The following PDE1C variants were observed in gnomAD, a reference collection of about 807,000 sequenced individuals.
PDE1C encodes the protein dual specificity calcium/calmodulin-dependent 3',5'-cyclic nucleotide phosphodiesterase 1C.
A neutral mutation model predicts 93.1 loss-of-function variants in PDE1C; 62 were observed. The ratio of observed to expected loss-of-function variants is 0.67; its 90% CI spans 0.54 to 0.82. The LOEUF is 0.82. PDE1C is among the 40% of genes least tolerant of loss of function. The pLI, the probability that PDE1C is intolerant of heterozygous loss-of-function variation, is 0.00. For missense variants in PDE1C, 742 were observed against 884.6 expected, an observed-to-expected ratio of 0.84 and a Z score of 2.04; for synonymous variants, 325 against 310.1, an observed-to-expected ratio of 1.05 and a Z score of -0.50.
chr7:31,793,404 A>C (rs1471872677), intron 16 of PDE1C, among the ~76,000 whole-genome samples: 2 of 152,040 alleles, frequency 1.3e-5, no homozygotes, highest in African/African-American at 4.8e-5. Flanking sequence ...TTACAGCCTG[A>C]TTCAACTATC....
Position 32,051,574 on chromosome 7 carries a change from T to G in PDE1C, c.108A>C (p.Lys36Asn). The change falls in exon 2 of 18, where the codon AAA (lysine) becomes AAC (asparagine). Residue 36 changes from lysine (K) to asparagine (N), a missense_variant. Lys to Asn is a moderately conservative substitution (Grantham distance 94, BLOSUM62 0). Around this residue, in one of 4 missense-constraint regions of PDE1C, gnomAD observed 74 missense variants for 88.2 expected, o/e 0.84. Coordinates refer to ENST00000396191, the MANE Select transcript of PDE1C (RefSeq NM_001191057.4). ...CTTACCTCTGGGACGTTTTCTTATA[T>G]TTCCTCCTGTAAGAAAAGGCATAAA... ...KIWLRLRGLR[K>N]YKKTSQRLRS... 6.2e-7 allele frequency: 1 copy of G among 1,613,600 alleles called. No homozygotes were observed. Among genetic ancestry groups the G allele is most frequent in the Non-Finnish European group, 8.5e-7 (1 of 1,179,584 alleles).
At chr7:32,106,590 A>G (rs774964571) in intron 3 of PDE1C, among the ~76,000 whole-genome samples, 1 of 152,168 alleles carries the variant, frequency 6.6e-6, no homozygotes, top group Non-Finnish European at 1.5e-5. Context: ...GGATTTAGCT[A>G]AAAGAACTCC....
chr7:32,326,306 TG>T (rs1783402525), intron 1 of PDE1C, among the ~76,000 whole-genome samples: 1 of 152,188 alleles, frequency 6.6e-6, no homozygotes, highest in Non-Finnish European at 1.5e-5. Flanking sequence ...GAGGCATAAA[TG>T]TGGGAGTCAC....
At chr7:32,012,567 T>C (rs1327478208) in intron 2 of PDE1C, among the ~76,000 whole-genome samples, 1 of 152,012 alleles carries the variant, frequency 6.6e-6, no homozygotes, top group Non-Finnish European at 1.5e-5. Flanking sequence ...GCAAAATAAT[T>C]GACAGTGCTG....
chr7:31,748,139 G>A (rs1794045172), downstream of PDE1C, among the ~76,000 whole-genome samples: 1 of 151,724 alleles, frequency 6.6e-6, no homozygotes, highest in African/African-American at 2.4e-5. Flanking sequence ...GAATAACCAA[G>A]GGCAGCTTGG....
rs1009798655 is a variant in PDE1C, at chr7:32,098,162, G to A, written c.308+71623C>T. On this transcript the variant is annotated intron_variant, in intron 3 of 18. Coordinates refer to the PDE1C transcript ENST00000396193. ...GGAGAATGGCGTGAACCCGGGAGGCGGAGCTTGCAGTGAGCCGAGATCGCG... is the reference window on the plus strand; with the variant it reads ...GGAGAATGGCGTGAACCCGGGAGGCAGAGCTTGCAGTGAGCCGAGATCGCG... Among the ~76,000 whole-genome samples the A allele has an allele frequency of 2.2e-4, 30 of 139,098 alleles. 1 individual carries two copies. The highest frequency in any genetic ancestry group is 1.4e-3 in the South Asian group (6 of 4,176). 91.3% of individuals were successfully genotyped at this position (139,098 alleles called of 152,430 possible). A position where few individuals can be genotyped will look rare whatever the true frequency, so the allele number is the denominator to read the frequency against.
intron 2 of PDE1C, among the ~76,000 whole-genome samples, chr7:31,920,173 T>C (rs1484785640): frequency 6.6e-6 from 1 of 152,088 alleles, no homozygotes; most frequent in Admixed American, 6.6e-5. Context: ...ATACACTGAG[T>C]CCCTGCTTCC....
the PDE1C span, among the ~76,000 whole-genome samples, chr7:31,741,090 G>A: frequency 6.7e-6 from 1 of 150,374 alleles, no homozygotes; most frequent in East Asian, 1.9e-4. Flanking sequence ...ATTGCATATT[G>A]TACATTTTAT....
At chr7:32,274,224 T>G (rs956141676) in intron 1 of PDE1C, among the ~76,000 whole-genome samples, 1 of 151,888 alleles carries the variant, frequency 6.6e-6, no homozygotes, top group East Asian at 1.9e-4. Flanking sequence ...TTTTTTTTTT[T>G]TGAGACGGGC....
At chr7:31,895,657 T>C (rs910423844) in intron 2 of PDE1C, among the ~76,000 whole-genome samples, 4 of 150,422 alleles carry the variant, frequency 2.7e-5, no homozygotes, top group African/African-American at 9.8e-5. Flanking sequence ...CAATCTCACC[T>C]TGAATTGTAG....
At chr7:32,067,713 G>A (rs1018641530) in intron 1 of PDE1C, among the ~76,000 whole-genome samples, 3 of 152,116 alleles carry the variant, frequency 2.0e-5, no homozygotes, top group Admixed American at 6.5e-5. Context: ...CCCCAACCTG[G>A]GCAATGATGT....
chr7:32,111,977 T>C (rs1210241761), intron 3 of PDE1C, among the ~76,000 whole-genome samples: 3 of 152,244 alleles, frequency 2.0e-5, no homozygotes, highest in Non-Finnish European at 4.4e-5. Context: ...CTTACAATTC[T>C]GCCTTAACTC....
chr7:31,899,191 T>G (rs1290917928), intron 2 of PDE1C, among the ~76,000 whole-genome samples: 1 of 143,016 alleles, frequency 7.0e-6, no homozygotes, highest in African/African-American at 2.6e-5. Flanking sequence ...CAGGCTGCAG[T>G]GCAGTGGCGC....
At chr7:32,030,904 G>A (rs750140885) in intron 2 of PDE1C, among the ~76,000 whole-genome samples, 1 of 151,872 alleles carries the variant, frequency 6.6e-6, no homozygotes, top group Non-Finnish European at 1.5e-5. Flanking sequence ...AGGTGACCAA[G>A]TGGTCTAAGT....
intron 14 of PDE1C, among the ~76,000 whole-genome samples, chr7:31,822,575 A>C (rs1349327792): frequency 1.3e-5 from 2 of 152,168 alleles, no homozygotes; most frequent in African/African-American, 4.8e-5. Flanking sequence ...TCATCTCAGA[A>C]GATCAGTTAT....
intron 3 of PDE1C, among the ~76,000 whole-genome samples, chr7:32,150,127 C>A (rs986445733): frequency 1.3e-5 from 2 of 152,188 alleles, no homozygotes; most frequent in African/African-American, 2.4e-5. Flanking sequence ...CTCCCAGCAC[C>A]GGATTCAACT....
intron 16 of PDE1C, among the ~76,000 whole-genome samples, chr7:31,804,956 T>C (rs184045048): frequency 1.1e-3 from 165 of 151,892 alleles, no homozygotes; most frequent in African/African-American, 3.6e-3. Flanking sequence ...GAATCATAGA[T>C]CCCATAACCC....
chr7:31,721,649 C>T, the PDE1C span, among the ~76,000 whole-genome samples: 1 of 152,124 alleles, frequency 6.6e-6, no homozygotes. Flanking sequence ...GGTTTAGGAA[C>T]TTCATGTTAA....
At chr7:32,218,482 G>A (rs1409223363) in intron 1 of PDE1C, among the ~76,000 whole-genome samples, 2 of 152,224 alleles carry the variant, frequency 1.3e-5, no homozygotes, top group Non-Finnish European at 2.9e-5. Context: ...CCTGGCTCGT[G>A]CAGCCCAGGG....
Sources: allele counts gnomAD v4.1 joint callset (sites outside exome capture counted in the v4.1 genomes callset), GRCh38; gene constraint gnomAD v4.1.1; regional missense constraint gnomAD v4.1.1; transcripts MANE v1.5; gene names NCBI Gene and HGNC (gene_info 2026-07-23, HGNC 2026-07-21).